The following PLA2G6 variants were observed in gnomAD, a reference collection of about 807,000 sequenced individuals.
PLA2G6 encodes the protein phospholipase A2 group VI.
PLA2G6 carries 62 observed loss-of-function variants against 83.8 expected under a neutral mutation model. That is an observed-to-expected ratio of 0.74 (90% CI 0.60 to 0.91). PLA2G6 has a LOEUF of 0.91. PLA2G6 is among the 40% of genes least tolerant of loss of function. The pLI is 0.00. For synonymous variants in PLA2G6, 417 were observed against 449.8 expected, an observed-to-expected ratio of 0.93 and a Z score of 0.92; for missense variants, 944 against 1,102.0, an observed-to-expected ratio of 0.86 and a Z score of 2.03.
chr22:38,120,604 C>T (rs911398132), intron 12 of PLA2G6, among the ~76,000 whole-genome samples, 155 bp downstream of exon 12: 10 of 152,072 alleles, frequency 6.6e-5, no homozygotes, highest in African/African-American at 2.2e-4. Flanking sequence ...AGCCACACCC[C>T]AGCCCTCTGC....
intron 2 of PLA2G6, chr22:38,148,072 C>T (rs1569280781): frequency 5.0e-6 from 1 of 198,252 alleles, no homozygotes. Context: ...TACTCCACAT[C>T]AAGTGTTGCC....
chr22:38,148,163 T>G, intron 2 of PLA2G6: 1 of 287,978 alleles, frequency 3.5e-6, no homozygotes, highest in Non-Finnish European at 6.8e-6. Flanking sequence ...CAACATTACT[T>G]TTAGTGGAAT....
At chr22:38,161,162 G>A (rs554507910) in intron 2 of PLA2G6, among the ~76,000 whole-genome samples, 4 of 152,234 alleles carry the variant, frequency 2.6e-5, no homozygotes, top group South Asian at 2.1e-4. Context: ...ATTGTATAGC[G>A]ATGGAAAATA....
intron 2 of PLA2G6, among the ~76,000 whole-genome samples, chr22:38,161,567 G>A (rs761012022): frequency 6.6e-6 from 1 of 152,152 alleles, no homozygotes; most frequent in African/African-American, 2.4e-5. Context: ...GGAAAGAGGG[G>A]AGATAATTGT....
rs1367919163 is a variant in PLA2G6, at chr22:38,169,289, C to T, written c.138G>A (p.Leu46=). ...AGGTGCGGTTGGGAGTGTTCTGGAACAGAATCAGCTGCCCTTCCTCCCGAA... is the reference window on the plus strand; with the variant it reads ...AGGTGCGGTTGGGAGTGTTCTGGAATAGAATCAGCTGCCCTTCCTCCCGAA... ...DRVREEGQLI[L]FQNTPNRTWD... is the part of the protein sequence containing the mutation. Residue 46 remains leucine (L), a synonymous_variant, in exon 2 of 17, where the codon CTG becomes CTA. Transcript: ENST00000332509. The T allele has an allele frequency of 6.2e-7, 1 of 1,614,226 alleles. No individual in the cohort carries two copies. Among genetic ancestry groups the T allele is most frequent in the Non-Finnish European group, 8.5e-7 (1 of 1,180,036 alleles).
At chr22:38,113,274 C>T (rs973257955) in intron 15 of PLA2G6, among the ~76,000 whole-genome samples, 6 of 152,168 alleles carry the variant, frequency 3.9e-5, no homozygotes, top group African/African-American at 1.4e-4. Flanking sequence ...AGCTAAAAAG[C>T]GTTTGAAAAC....
intron 2 of PLA2G6, among the ~76,000 whole-genome samples, chr22:38,162,434 G>C (rs1405060502): frequency 6.6e-6 from 1 of 152,092 alleles, no homozygotes; most frequent in Non-Finnish European, 1.5e-5. Context: ...GAACGGGATG[G>C]GGCTGGGAAA....
intron 2 of PLA2G6, chr22:38,147,406 G>C (rs981114971): frequency 5.9e-6 from 1 of 169,152 alleles, no homozygotes; most frequent in African/African-American, 2.4e-5. Flanking sequence ...AGAGAGTGTT[G>C]GCTCAACGGG....
At chr22:38,129,807 A>G (rs562743092) in intron 7 of PLA2G6, among the ~76,000 whole-genome samples, 1 of 152,318 alleles carries the variant, frequency 6.6e-6, no homozygotes, top group Non-Finnish European at 1.5e-5. Context: ...GAACCCAGGC[A>G]GAAACTAGAA....
At position 38,126,465 on chromosome 22, in the gene PLA2G6, C is replaced by T. The variant is rs776879486; in HGVS notation, c.1349-16G>A. The T allele has an allele frequency of 6.2e-7, 1 of 1,607,876 alleles. No individual in the cohort carries two copies. Among genetic ancestry groups the T allele is most frequent in the Middle Eastern group, 1.7e-4 (1 of 6,022 alleles). On this transcript the variant is annotated splice_polypyrimidine_tract_variant and intron_variant, in intron 9 of 16. Coordinates refer to ENST00000332509, the MANE Select transcript of PLA2G6 (RefSeq NM_003560.4). ...TCCTGTAGTTCTGTGAGGCACAGAG[C>T]AGGGCATGCTGTGGTCAGGTGGGTC... is the stretch of plus-strand genomic sequence containing the variant.
chr22:38,149,936 G>A (rs967763495), intron 2 of PLA2G6: 1 of 149,998 alleles, frequency 6.7e-6, no homozygotes, highest in Non-Finnish European at 1.5e-5. Context: ...CTCCATCTCT[G>A]ATCACGCTAC....
At chr22:38,153,301 G>A (rs1051783323) in intron 2 of PLA2G6, among the ~76,000 whole-genome samples, 21 of 152,140 alleles carry the variant, frequency 1.4e-4, no homozygotes, top group East Asian at 1.9e-4. Flanking sequence ...GCATGTGGCC[G>A]CCGCCCCGTC....
chr22:38,179,974 G>T (rs1419193237), intron 1 of PLA2G6, among the ~76,000 whole-genome samples: 2 of 151,940 alleles, frequency 1.3e-5, no homozygotes, highest in African/African-American at 4.8e-5. Flanking sequence ...AACGAGAAGA[G>T]GCATTTAAGA....
intron 2 of PLA2G6, chr22:38,148,217 G>A: frequency 2.7e-6 from 1 of 376,914 alleles, no homozygotes; most frequent in Non-Finnish European, 5.0e-6. Flanking sequence ...AGGACACAAT[G>A]TGAGAATCTG....
rs1466223774 is a variant in PLA2G6 at position 38,169,453 on chromosome 22, C to T, written c.-27G>A. On this transcript the variant is annotated 5_prime_UTR_variant, in exon 2 of 17. Transcript: ENST00000332509. ...TTCTGCGGGGCAGGTGGGGAGGCCC[C>T]ACCGTCTTCCCCCTCTGTCTGGAAG... 6.3e-7 allele frequency: 1 copy of T among 1,594,990 alleles called. No individual in the cohort carries two copies. Among genetic ancestry groups the T allele is most frequent in the Non-Finnish European group, 8.6e-7 (1 of 1,164,198 alleles).
chr22:38,143,670 G>A (rs904891467), intron 3 of PLA2G6: 2 of 377,880 alleles, frequency 5.3e-6, no homozygotes, highest in South Asian at 2.1e-5. Flanking sequence ...CCAGGAAATG[G>A]ACAGAGTGAT....
intron 11 of PLA2G6, 128 bp from the exon 12 acceptor site, chr22:38,121,037 C>T (rs1378646347): frequency 9.7e-7 from 1 of 1,030,328 alleles, no homozygotes; most frequent in Non-Finnish European, 1.4e-6. Flanking sequence ...CCTAAGCAAA[C>T]CCAAATTCTG....
chr22:38,130,142 G>A (rs564136217), intron 7 of PLA2G6: 1 of 203,120 alleles, frequency 4.9e-6, no homozygotes, highest in Non-Finnish European at 1.0e-5. Context: ...CTGGAACTGT[G>A]GGCTCTGGCC....
chr22:38,129,858 C>T (rs993348288), intron 7 of PLA2G6, among the ~76,000 whole-genome samples: 1 of 152,226 alleles, frequency 6.6e-6, no homozygotes, highest in African/African-American at 2.4e-5. Context: ...TCCAAAGATG[C>T]AGTGCATCTG....
Sources: gnomAD v4.1 joint callset for allele counts (sites outside exome capture counted in the v4.1 genomes callset) on GRCh38, gnomAD v4.1.1 for gene constraint, MANE v1.5 for transcripts, NCBI Gene and HGNC (gene_info 2026-07-23, HGNC 2026-07-21) for gene names.